Variants in CALCRL observed in about 807,000 individuals in gnomAD.
CALCRL encodes calcitonin gene-related peptide type 1 receptor.
A neutral mutation model predicts 60.4 loss-of-function variants in CALCRL; 27 were observed. That is an observed-to-expected ratio of 0.45 (90% CI 0.33 to 0.62). The LOEUF (loss-of-function observed/expected upper bound fraction) is 0.62, where lower values mean the gene tolerates loss of function less well. Among genes scored for constraint, CALCRL ranks in the 20% least tolerant of loss-of-function variants. The pLI, the probability that CALCRL is intolerant of heterozygous loss-of-function variation, is 0.03. For missense variants in CALCRL, 424 were observed against 540.7 expected, an observed-to-expected ratio of 0.78 and a Z score of 2.14; for synonymous variants, 190 against 182.6, an observed-to-expected ratio of 1.04 and a Z score of -0.33.
At chr2:187,409,431 T>C (rs751602006) in intron 1 of CALCRL, among the ~76,000 whole-genome samples, 6 of 152,234 alleles carry the variant, frequency 3.9e-5, no homozygotes, top group Admixed American at 2.6e-4. Context: ...TTTGAGTTTA[T>C]AGAAATGTAA....
At chr2:187,353,654 T>C (rs1686635021) in intron 12 of CALCRL, among the ~76,000 whole-genome samples, 1 of 152,002 alleles carries the variant, frequency 6.6e-6, no homozygotes, top group Non-Finnish European at 1.5e-5. Flanking sequence ...GAATAAGCCA[T>C]TTCAACAGGT....
intron 1 of CALCRL, among the ~76,000 whole-genome samples, chr2:187,411,365 C>T (rs1247693371): frequency 6.6e-6 from 1 of 151,972 alleles, no homozygotes; most frequent in African/African-American, 2.4e-5. Context: ...ATCTGCTACA[C>T]CTAAAGAGTT....
intron 1 of CALCRL, among the ~76,000 whole-genome samples, chr2:187,388,589 G>A (rs1253924222): frequency 6.6e-6 from 1 of 151,952 alleles, no homozygotes; most frequent in Non-Finnish European, 1.5e-5. Flanking sequence ...CATACTCTTG[G>A]CTAAGTTCTA....
Position 187,344,491 on chromosome 2 carries a change from G to A in CALCRL, c.*1693C>T, listed in dbSNP as rs1195868098. The A allele has an allele frequency of 6.6e-6, 1 of 151,556 alleles. No individual in the cohort carries two copies. Among genetic ancestry groups the A allele is most frequent in the East Asian group, 1.9e-4 (1 of 5,176 alleles). The allele number at this position is 151,556 out of a possible 1,614,324, so 9.4% of individuals were successfully genotyped here. ...TTCCCAAAATTGACTTTTACTAATT[G>A]AAGTCATTCTTGTTCTTTAGAGATT... On this transcript the variant is annotated 3_prime_UTR_variant, in exon 15 of 15. Coordinates refer to ENST00000392370, the MANE Select transcript of CALCRL (RefSeq NM_005795.6).
intron 1 of CALCRL, chr2:187,442,173 CAT>C (rs1451831347): frequency 1.5e-4 from 22 of 147,866 alleles, no homozygotes; most frequent in East Asian, 1.4e-3. Flanking sequence ...TATACGCACA[CAT>C]ATATGTGTGT....
chr2:187,438,589 A>G (rs946489820), intron 1 of CALCRL, among the ~76,000 whole-genome samples: 7 of 152,108 alleles, frequency 4.6e-5, no homozygotes, highest in Non-Finnish European at 4.4e-5. Flanking sequence ...ATTGTCCAGA[A>G]AGGCAATAAG....
rs184203228 is a variant in CALCRL, at chr2:187,398,313, G to T, written c.-292-10557C>A. ...GCTATGTGAAAACATGTCTTGTTTT[G>T]TTTTTCCCACCAACAATAAAATCAG... On this transcript the variant is annotated intron_variant, in intron 1 of 14. Transcript: ENST00000392370. Among the ~76,000 whole-genome samples the T allele has an allele frequency of 5.0e-3, 752 of 151,624 alleles. 4 individuals carry two copies. Among genetic ancestry groups the T allele is most frequent in the African/African-American group, 0.017 (717 of 41,452 alleles).
intron 8 of CALCRL, among the ~76,000 whole-genome samples, chr2:187,366,916 A>AGCC (rs1303022004): frequency 0.013 from 1,206 of 94,886 alleles, 19 homozygotes; most frequent in African/African-American, 0.047. Context: ...TTGTGAGTAT[A>AGCC]ACCCCACACA....
chr2:187,351,077 A>T (rs1686509708), intron 14 of CALCRL, among the ~76,000 whole-genome samples: 1 of 3,758 alleles, frequency 2.7e-4, no homozygotes, highest in South Asian at 3.9e-3. Context: ...CAAGGTCAGG[A>T]GATCGAGACC....
At chr2:187,384,274 CAAGT>C (rs1391695019) in intron 4 of CALCRL, among the ~76,000 whole-genome samples, 3 of 151,918 alleles carry the variant, frequency 2.0e-5, no homozygotes, top group Non-Finnish European at 4.4e-5. Context: ...TAGTGCTACA[CAAGT>C]AATACATGGA....
At chr2:187,355,515 A>T (rs1686731747) in intron 12 of CALCRL, among the ~76,000 whole-genome samples, 1 of 152,150 alleles carries the variant, frequency 6.6e-6, no homozygotes, top group Admixed American at 6.6e-5. Context: ...GATCCAACGC[A>T]ACCATATACT....
intron 9 of CALCRL, among the ~76,000 whole-genome samples, chr2:187,361,414 G>C (rs376285474): frequency 1.3e-5 from 2 of 151,858 alleles, no homozygotes; most frequent in African/African-American, 4.8e-5. Context: ...GAGTAAGAGT[G>C]AGTTTACTCT....
chr2:187,353,424 T>C (rs1018344680), intron 12 of CALCRL, among the ~76,000 whole-genome samples: 3 of 152,000 alleles, frequency 2.0e-5, no homozygotes, highest in South Asian at 2.1e-4. Context: ...AAAATAGTAG[T>C]TTCCCATTTA....
At chr2:187,388,607 T>G (rs1014906795) in intron 1 of CALCRL, among the ~76,000 whole-genome samples, 1 of 152,158 alleles carries the variant, frequency 6.6e-6, no homozygotes, top group Non-Finnish European at 1.5e-5. Context: ...CTATTTCCCA[T>G]GCAATTTAAT....
chr2:187,352,138 G>A lies in CALCRL; in HGVS notation c.1104C>T (p.Ile368=), dbSNP rs549459440. The change falls in exon 13 of 15, where the codon ATC becomes ATT. Residue 368 remains isoleucine, a synonymous_variant. Transcript: ENST00000392370. Reference sequence around the variant, plus strand: ...CCTGGAAGTGCATAAGGATGTGCATGATGTAGTCATATACCTCCTCTGCAA... The same window carrying A: ...CCTGGAAGTGCATAAGGATGTGCATAATGTAGTCATATACCTCCTCTGCAA... ...GKIAEEVYDY[I]MHILMHFQGL... is the part of the protein sequence containing the mutation. 1 of 1,612,202 alleles carries A rather than the reference G, an allele frequency of 6.2e-7. No individual in the cohort carries two copies. The highest frequency in any genetic ancestry group is 1.1e-5 in the South Asian group (1 of 91,042).
chr2:187,383,099 TATA>T, intron 5 of CALCRL, 71 bp downstream of exon 5: 2 of 1,437,046 alleles, frequency 1.4e-6, no homozygotes, highest in Non-Finnish European at 1.9e-6. Flanking sequence ...CTAAAGCACT[TATA>T]ATGATATAAT....
At chr2:187,351,998 G>A in intron 13 of CALCRL, 37 bp from the exon 14 acceptor site, 1 of 1,568,002 alleles carries the variant, frequency 6.4e-7, no homozygotes, top group South Asian at 1.1e-5. Context: ...AATCCAAATG[G>A]AAAGATACAT....
At chr2:187,420,777 G>A (rs956847987) in intron 1 of CALCRL, among the ~76,000 whole-genome samples, 1 of 152,066 alleles carries the variant, frequency 6.6e-6, no homozygotes, top group Non-Finnish European at 1.5e-5. Context: ...TCTAGTCTTG[G>A]TTTATTGATA....
chr2:187,375,221 G>A (rs1417423628), intron 8 of CALCRL, among the ~76,000 whole-genome samples: 1 of 145,370 alleles, frequency 6.9e-6, no homozygotes, highest in Admixed American at 7.2e-5. Context: ...GCAGTGAGCC[G>A]AGATTGCGCC....
Sources: gnomAD v4.1 joint callset for allele counts (sites outside exome capture counted in the v4.1 genomes callset) on GRCh38, gnomAD v4.1.1 for gene constraint, MANE v1.5 for transcripts, NCBI Gene and HGNC (gene_info 2026-07-23, HGNC 2026-07-21) for gene names.